The following STAG1 variants were observed in gnomAD, a reference collection of about 807,000 sequenced individuals.
The protein encoded by STAG1 is STAG1 cohesin complex component, also known as cohesin subunit SA-1.
A neutral mutation model predicts 170.9 loss-of-function variants in STAG1; 26 were observed. The ratio of observed to expected loss-of-function variants is 0.15; its 90% CI spans 0.11 to 0.21. The LOEUF (loss-of-function observed/expected upper bound fraction) is 0.21, where lower values mean the gene tolerates loss of function less well. Ranked by LOEUF, STAG1 falls within the 10% of genes least tolerant of loss-of-function variation. The probability of loss-of-function intolerance (pLI) is 1.00; values close to 1 mark genes in which losing one functional copy is unlikely to be tolerated. For missense variants in STAG1, 964 were observed against 1,509.5 expected (o/e 0.64, Z 5.99); for synonymous variants, 514 against 497.7 (o/e 1.03, Z -0.44).
chr3:136,395,877 T>C (rs942516650), intron 22 of STAG1, among the ~76,000 whole-genome samples: 1 of 152,142 alleles, frequency 6.6e-6, no homozygotes, highest in African/African-American at 2.4e-5. Context: ...AATATATAAA[T>C]TCAATCTCCT....
At chr3:136,603,607 G>C (rs572723021) in intron 4 of STAG1, among the ~76,000 whole-genome samples, 1 of 152,046 alleles carries the variant, frequency 6.6e-6, no homozygotes, top group Non-Finnish European at 1.5e-5. Flanking sequence ...AGTTATGGCC[G>C]GGCGCGGTGG....
intron 6 of STAG1, among the ~76,000 whole-genome samples, chr3:136,539,900 A>G (rs932014986): frequency 1.3e-5 from 2 of 152,152 alleles, no homozygotes; most frequent in African/African-American, 4.8e-5. Context: ...GCTTCAAACT[A>G]ACTCATCTCA....
intron 6 of STAG1, among the ~76,000 whole-genome samples, chr3:136,533,401 T>C (rs1935473123): frequency 6.6e-6 from 1 of 152,046 alleles, no homozygotes; most frequent in Non-Finnish European, 1.5e-5. Flanking sequence ...TGCATTACTA[T>C]AAAGAAATAC....
chr3:136,711,064 T>A (rs9809269), intron 1 of STAG1, among the ~76,000 whole-genome samples: 22,994 of 150,770 alleles, frequency 0.15, 2,294 homozygotes, highest in Non-Finnish European at 0.22. Flanking sequence ...AAGAAAAATA[T>A]ATATATATAT....
intron 2 of STAG1, among the ~76,000 whole-genome samples, chr3:136,629,879 T>C (rs1396341091): frequency 6.6e-6 from 1 of 152,144 alleles, no homozygotes; most frequent in Non-Finnish European, 1.5e-5. Context: ...ATTCCTGTGA[T>C]CACATTTCCC....
intron 7 of STAG1, among the ~76,000 whole-genome samples, chr3:136,509,550 A>G (rs112180462): frequency 1.2e-3 from 177 of 152,298 alleles, no homozygotes; most frequent in African/African-American, 2.5e-3. Flanking sequence ...GTATGAAGGA[A>G]GATGTAATTA....
At chr3:136,745,773 G>A (rs1934906454) in intron 1 of STAG1, among the ~76,000 whole-genome samples, 1 of 152,136 alleles carries the variant, frequency 6.6e-6, no homozygotes, top group Non-Finnish European at 1.5e-5. Context: ...GGCCACATTG[G>A]AAGAAGAATT....
chr3:136,398,663 A>G (rs2087236483), intron 22 of STAG1, 86 bp downstream of exon 22: 1 of 581,606 alleles, frequency 1.7e-6, no homozygotes, highest in South Asian at 3.5e-5. Context: ...ATATTATACA[A>G]TAACTGATAA....
chr3:136,510,873 G>A (rs527343579), intron 7 of STAG1, among the ~76,000 whole-genome samples: 5 of 152,246 alleles, frequency 3.3e-5, no homozygotes, highest in African/African-American at 1.2e-4. Flanking sequence ...CACCTCCCAG[G>A]TTCAAGCGAT....
At chr3:136,748,632 C>G (rs934746042) in intron 1 of STAG1, among the ~76,000 whole-genome samples, 1 of 151,998 alleles carries the variant, frequency 6.6e-6, no homozygotes, top group Non-Finnish European at 1.5e-5. Context: ...AAACTCCTGA[C>G]CTCAGGTGAT....
chr3:136,473,803 T>G (rs912642005), intron 10 of STAG1, among the ~76,000 whole-genome samples, 166 bp from the exon 11 acceptor site: 1 of 141,018 alleles, frequency 7.1e-6, no homozygotes, highest in Non-Finnish European at 1.5e-5. Flanking sequence ...CCCTTATATG[T>G]AAAAAAAAAA....
intron 1 of STAG1, among the ~76,000 whole-genome samples, chr3:136,739,416 G>C (rs7640942): frequency 0.093 from 13,843 of 149,236 alleles, 2,084 homozygotes; most frequent in African/African-American, 0.32. Context: ...GGTACTCCCA[G>C]CTAGTTGGGA....
chr3:136,355,485 C>G (rs1336983267), intron 28 of STAG1, among the ~76,000 whole-genome samples: 2 of 151,734 alleles, frequency 1.3e-5, no homozygotes, highest in Admixed American at 1.3e-4. Context: ...CTTCAATATC[C>G]CACTTTCAAT....
chr3:136,390,784 A>C (rs918578018), intron 22 of STAG1, among the ~76,000 whole-genome samples: 20 of 152,146 alleles, frequency 1.3e-4, no homozygotes, highest in Non-Finnish European at 2.4e-4. Flanking sequence ...CCGGGCCAGG[A>C]CTCTAATGAG....
chr3:136,677,182 C>T (rs944666591), intron 1 of STAG1, among the ~76,000 whole-genome samples: 3 of 152,132 alleles, frequency 2.0e-5, no homozygotes, highest in Admixed American at 2.0e-4. Flanking sequence ...CATTTATTAT[C>T]AAGTATTATG....
intron 23 of STAG1, among the ~76,000 whole-genome samples, chr3:136,370,922 T>C (rs1376894349): frequency 6.6e-6 from 1 of 152,230 alleles, no homozygotes; most frequent in Admixed American, 6.5e-5. Flanking sequence ...TCTAGATTCC[T>C]GAGGAATCGC....
intron 1 of STAG1, among the ~76,000 whole-genome samples, chr3:136,634,336 T>C (rs1278557020): frequency 1.3e-5 from 2 of 151,042 alleles, no homozygotes; most frequent in Non-Finnish European, 2.9e-5. Context: ...CAGCCTGGGG[T>C]GACAGAGACC....
At chr3:136,715,253 T>C (rs1324995797) in intron 1 of STAG1, among the ~76,000 whole-genome samples, 1 of 150,014 alleles carries the variant, frequency 6.7e-6, no homozygotes, top group Admixed American at 6.6e-5. Context: ...GCTCAAGTAA[T>C]CCTTTCGCCA....
chr3:136,359,480 C>T (rs1430326253), intron 26 of STAG1, among the ~76,000 whole-genome samples, 184 bp from the exon 27 acceptor site: 1 of 152,110 alleles, frequency 6.6e-6, no homozygotes, highest in African/African-American at 2.4e-5. Context: ...AGTTAATTTT[C>T]ATGCTAGTGG....
Sources: allele counts gnomAD v4.1 joint callset (sites outside exome capture counted in the v4.1 genomes callset), GRCh38; gene constraint gnomAD v4.1.1; transcripts MANE v1.5; gene names NCBI Gene and HGNC (gene_info 2026-07-23, HGNC 2026-07-21).